FYB1: variants seen among roughly 807,000 people sequenced by gnomAD.
FYB1 encodes FYN-binding protein 1.
Under a neutral mutation model 94.1 loss-of-function variants are expected in FYB1, and 41 were observed. The ratio of observed to expected loss-of-function variants is 0.44; its 90% CI spans 0.34 to 0.57. The LOEUF is 0.57. Among genes scored for constraint, FYB1 ranks in the 20% least tolerant of loss-of-function variants. The pLI is 0.02. For synonymous variants in FYB1, 367 were observed against 353.2 expected, an observed-to-expected ratio of 1.04 and a Z score of -0.44; for missense variants, 1,050 against 976.8, an observed-to-expected ratio of 1.07 and a Z score of -1.00.
chr5:39,183,576 A>G (rs1579592662), intron 2 of FYB1, among the ~76,000 whole-genome samples: 1 of 152,306 alleles, frequency 6.6e-6, no homozygotes, highest in Non-Finnish European at 1.5e-5. Context: ...AGAATGATTC[A>G]TACCAACTGC....
In FYB1 at chr5:39,122,324, C is replaced by G; in HGVS notation, c.2138+12G>C. ...TTTCATTACTTCATTGTAATGAAAGCATTTTAATTACCTCATCTCTGCTGA... is the reference window on the plus strand; with the variant it reads ...TTTCATTACTTCATTGTAATGAAAGGATTTTAATTACCTCATCTCTGCTGA... On this transcript the variant is annotated intron_variant, in intron 14 of 18. Transcript: ENST00000512982. The G allele has an allele frequency of 6.6e-7, 1 of 1,509,418 alleles. No homozygotes were observed. Among genetic ancestry groups the G allele is most frequent in the Non-Finnish European group, 9.1e-7 (1 of 1,103,168 alleles). 93.5% of individuals were successfully genotyped at this position (1,509,418 alleles called of 1,614,324 possible).
chr5:39,127,186 T>G (rs557400180), intron 11 of FYB1, among the ~76,000 whole-genome samples: 1 of 151,464 alleles, frequency 6.6e-6, no homozygotes, highest in South Asian at 2.1e-4. Context: ...ATAATTATTA[T>G]AAATGAACAG....
At chr5:39,138,026 T>C (rs1188103164) in intron 6 of FYB1, 1 of 359,700 alleles carries the variant, frequency 2.8e-6, no homozygotes, top group East Asian at 6.8e-5. Flanking sequence ...CATCTCTTTT[T>C]CTCTCTTTCA....
At chr5:39,269,773 C>G (rs145623424) in intron 1 of FYB1, 4 of 152,230 alleles carry the variant, frequency 2.6e-5, no homozygotes, top group Non-Finnish European at 4.4e-5. Context: ...GGCAGGTATC[C>G]TCTCCGTAAT....
chr5:39,134,757 C>T (rs1741511231), intron 8 of FYB1, 98 bp downstream of exon 8: 2 of 1,297,472 alleles, frequency 1.5e-6, no homozygotes, highest in Admixed American at 2.0e-5. Flanking sequence ...GTAAAGTACT[C>T]CTAACTCGAT....
intron 2 of FYB1, among the ~76,000 whole-genome samples, chr5:39,185,641 T>C (rs863068): frequency 0.18 from 26,759 of 144,766 alleles, 2,619 homozygotes; most frequent in Non-Finnish European, 0.21. Flanking sequence ...TATATATATA[T>C]ACACACACAC....
chr5:39,235,896 G>A (rs759174028), intron 1 of FYB1, among the ~76,000 whole-genome samples: 2 of 151,956 alleles, frequency 1.3e-5, no homozygotes, highest in African/African-American at 2.4e-5. Flanking sequence ...CTATTTTGGT[G>A]TGGTCCAATA....
At chr5:39,120,687 T>C (rs960719674) in intron 14 of FYB1, among the ~76,000 whole-genome samples, 3 of 152,160 alleles carry the variant, frequency 2.0e-5, no homozygotes, top group African/African-American at 4.8e-5. Context: ...TAGTGAGCAT[T>C]TTAAAAATTA....
At chr5:39,250,857 G>C (rs1751684919) in intron 1 of FYB1, 1 of 152,126 alleles carries the variant, frequency 6.6e-6, no homozygotes, top group Non-Finnish European at 1.5e-5. Flanking sequence ...AAACAAAAAT[G>C]GATGACGTCT....
chr5:39,230,033 T>C (rs564134989), intron 1 of FYB1, among the ~76,000 whole-genome samples: 1 of 152,292 alleles, frequency 6.6e-6, no homozygotes, highest in African/African-American at 2.4e-5. Flanking sequence ...GTTTCCAACA[T>C]AACTAAACTC....
chr5:39,195,942 C>T (rs1242192574), intron 2 of FYB1, among the ~76,000 whole-genome samples: 1 of 126,140 alleles, frequency 7.9e-6, no homozygotes, highest in Non-Finnish European at 1.7e-5. Flanking sequence ...TTAAATTGTT[C>T]TTAGGAAAAA....
At chr5:39,217,251 G>A (rs1251032202) in intron 1 of FYB1, among the ~76,000 whole-genome samples, 4 of 152,224 alleles carry the variant, frequency 2.6e-5, no homozygotes, top group African/African-American at 9.6e-5. Context: ...TTAGAAGCCT[G>A]TACAAGGTTT....
At chr5:39,113,352 G>T (rs1739238712) in intron 16 of FYB1, among the ~76,000 whole-genome samples, 1 of 152,100 alleles carries the variant, frequency 6.6e-6, no homozygotes, top group African/African-American at 2.4e-5. Context: ...AATATTGTGA[G>T]TGCGGTCACA....
In FYB1 at chr5:39,110,427, C is replaced by T. The variant is rs772390638; in HGVS notation, c.2402-38G>A. The T allele has an allele frequency of 2.9e-6, 4 of 1,396,230 alleles. No individual in the cohort carries two copies. The South Asian group carries it at 5.1e-5, about 18-fold the overall frequency. 86.5% of individuals were successfully genotyped at this position (1,396,230 alleles called of 1,614,324 possible). A position where few individuals can be genotyped will look rare whatever the true frequency, so the allele number is the denominator to read the frequency against. ...AAGGAAATAAATTGTATCAATAATA[C>T]AGGTTGAAAAATCTTTAGTACTTTT... is the stretch of plus-strand genomic sequence containing the variant. On this transcript the variant is annotated intron_variant, in intron 16 of 18. Transcript: ENST00000512982.
At chr5:39,260,338 A>G (rs541017482) in intron 1 of FYB1, among the ~76,000 whole-genome samples, 1 of 152,306 alleles carries the variant, frequency 6.6e-6, no homozygotes, top group South Asian at 2.1e-4. Context: ...TGCATTGTCT[A>G]TGGCTACTTT....
intron 1 of FYB1, among the ~76,000 whole-genome samples, chr5:39,206,529 G>A (rs1561265654): frequency 1.3e-5 from 2 of 152,256 alleles, no homozygotes; most frequent in South Asian, 2.1e-4. Context: ...AAGGGTAGGG[G>A]TAATATATTC....
In FYB1 at chr5:39,265,116, G is replaced by A. The variant is rs537657823; in HGVS notation, c.-28+9287C>T. ...TTTGGGAGGCCGAGGTGGGTGGATC[G>A]CCTGAGGTCAGGAGTTCAAGACCAG... On this transcript the variant is annotated intron_variant, in intron 1 of 1. Coordinates refer to the FYB1 transcript ENST00000510188. 7.5e-4 allele frequency among the ~76,000 whole-genome samples: 114 copies of A among 151,876 alleles called. 1 individual carries two copies. The East Asian group carries it at 0.017, about 22-fold the overall frequency.
intron 2 of FYB1, among the ~76,000 whole-genome samples, chr5:39,180,865 G>A (rs62358727): frequency 0.17 from 25,460 of 152,050 alleles, 2,403 homozygotes; most frequent in Non-Finnish European, 0.21. Context: ...TATTACCACC[G>A]TACATTTTTT....
chr5:39,239,116 T>C (rs1421097), intron 1 of FYB1, among the ~76,000 whole-genome samples: 23,081 of 152,098 alleles, frequency 0.15, 4,643 homozygotes, highest in African/African-American at 0.44. Flanking sequence ...CATCATCCCT[T>C]CATGTTAAAA....
Sources: allele counts gnomAD v4.1 joint callset (sites outside exome capture counted in the v4.1 genomes callset), GRCh38; gene constraint gnomAD v4.1.1; transcripts MANE v1.5; gene names NCBI Gene and HGNC (gene_info 2026-07-23, HGNC 2026-07-21).